The following CIITA variants were observed in gnomAD, a reference collection of about 807,000 sequenced individuals.
The protein encoded by CIITA is MHC class II transactivator.
In CIITA, 72 loss-of-function variants were observed where a neutral mutation model predicts 115.1. The ratio of observed to expected loss-of-function variants is 0.63; its 90% CI spans 0.52 to 0.76. CIITA has a LOEUF of 0.76. Ranked by LOEUF, CIITA falls within the 30% of genes least tolerant of loss-of-function variation. The pLI is 0.00. For synonymous variants in CIITA, 763 were observed against 635.6 expected (o/e 1.20, Z -3.02); for missense variants, 1,617 against 1,463.8 (o/e 1.10, Z -1.71).
At chr16:10,903,530 G>C (rs1487654657) in intron 8 of CIITA, among the ~76,000 whole-genome samples, 1 of 152,184 alleles carries the variant, frequency 6.6e-6, no homozygotes, top group Non-Finnish European at 1.5e-5. Flanking sequence ...TCACAGATTG[G>C]AAAAGCAAGG....
chr16:10,914,789 A>G (rs930948518), intron 13 of CIITA, among the ~76,000 whole-genome samples: 1 of 152,184 alleles, frequency 6.6e-6, no homozygotes, highest in East Asian at 1.9e-4. Context: ...AGGCCGAGGG[A>G]AGGGCCTAGC....
chr16:10,895,764 G>T lies in CIITA; in HGVS notation c.295G>T (p.Ala99Ser). 1.2e-6 allele frequency: 2 copies of T among 1,613,890 alleles called. No individual in the cohort carries two copies. Among genetic ancestry groups the T allele is most frequent in the Non-Finnish European group, 1.7e-6 (2 of 1,179,896 alleles). The part of the protein sequence containing the change: ...EETREAYANI[A>S]ELDQYVFQDS... The stretch of plus-strand genomic sequence containing the variant: ...GACCAGGGAGGCTTATGCCAATATC[G>T]GTGAGGAAGCACCTGAGCCCAGAAA... The change falls in exon 3 of 20, where the codon GCG becomes TCG. Residue 99 changes from alanine to serine, a missense_variant and splice_region_variant. Transcript: ENST00000324288.
At position 10,942,317 on chromosome 16, in the gene CIITA, G is replaced by A. The variant is rs1029845376; in HGVS notation, n.1443G>A. ...CCTGGCGCTCGCAGGGCCTCGCAGA[G>A]CCGGTGGGGATCCCACCGCGGCTCA... On this transcript the variant is annotated non_coding_transcript_exon_variant, in exon 2 of 2. Coordinates refer to the CIITA transcript ENST00000573379. This position sits in a 1 kb window ranked among gnomAD's most constrained non-coding sequence, Gnocchi z 5.0. The A allele has an allele frequency of 5.8e-5, 16 of 275,888 alleles. No individual in the cohort carries two copies. Among genetic ancestry groups the A allele is most frequent in the Non-Finnish European group, 8.9e-5 (13 of 145,254 alleles). The allele number at this position is 275,888 out of a possible 1,614,324, so 17.1% of individuals were successfully genotyped here. A position where few individuals can be genotyped will look rare whatever the true frequency, so the allele number is the denominator to read the frequency against.
At chr16:10,890,653 C>T (rs191191839) in intron 1 of CIITA, among the ~76,000 whole-genome samples, 4 of 152,254 alleles carry the variant, frequency 2.6e-5, no homozygotes, top group African/African-American at 9.6e-5. Flanking sequence ...ACAGAAAGCT[C>T]GGCTTCACAA....
chr16:10,938,731 C>T (rs1321767398), downstream of CIITA: 1 of 152,240 alleles, frequency 6.6e-6, no homozygotes, highest in Admixed American at 6.5e-5. The surrounding 1 kb of genome is among the most constrained non-coding windows in gnomAD (Gnocchi z 4.9). Context: ...CTGTGCATGG[C>T]TTCCACCACT....
At chr16:10,886,266 A>G (rs1214577636) in intron 1 of CIITA, among the ~76,000 whole-genome samples, 1 of 152,050 alleles carries the variant, frequency 6.6e-6, no homozygotes, top group Admixed American at 6.6e-5. Flanking sequence ...ATTCTGTACT[A>G]TGTTTTTAGG....
In CIITA at chr16:10,922,264, T is replaced by G. The variant is rs758631309; in HGVS notation, c.3233+14T>G. 3 of 1,613,336 alleles carry G rather than the reference T, an allele frequency of 1.9e-6. No homozygotes were observed. The South Asian group carries it at 3.3e-5, about 18-fold the overall frequency. ...CCGGGTGATGGAGTGAGTGTGGGAGTCTGGGCGGTGGGTGGCTCAGCCCGG... is the reference window on the plus strand; with the variant it reads ...CCGGGTGATGGAGTGAGTGTGGGAGGCTGGGCGGTGGGTGGCTCAGCCCGG... On this transcript the variant is annotated intron_variant, in intron 17 of 19. Coordinates refer to ENST00000324288, the MANE Select transcript of CIITA (RefSeq NM_000246.4).
At chr16:10,913,898 G>A (rs1047041704) in intron 13 of CIITA, among the ~76,000 whole-genome samples, 30 of 150,850 alleles carry the variant, frequency 2.0e-4, no homozygotes, top group African/African-American at 6.3e-4. Flanking sequence ...CTGAGATCAC[G>A]CCACTGCAGT....
chr16:10,887,841 T>C (rs1262530088), intron 1 of CIITA, among the ~76,000 whole-genome samples: 1 of 152,086 alleles, frequency 6.6e-6, no homozygotes, highest in Non-Finnish European at 1.5e-5. Context: ...GCTGGAGGCT[T>C]TTAGGGGTAG....
intron 1 of CIITA, among the ~76,000 whole-genome samples, chr16:10,893,934 T>C (rs1366574128): frequency 7.0e-6 from 1 of 143,506 alleles, no homozygotes; most frequent in African/African-American, 2.6e-5. Flanking sequence ...CTAAAGAAAC[T>C]CCAGACCCAT....
intron 1 of CIITA, among the ~76,000 whole-genome samples, chr16:10,889,687 T>C (rs1333160048): frequency 1.3e-5 from 2 of 151,984 alleles, no homozygotes; most frequent in African/African-American, 4.8e-5. Flanking sequence ...GCCTGGCTAA[T>C]TTTGTATTTT....
rs550762165 is a variant in CIITA at position 10,901,015 on chromosome 16, G to T, written c.437-499G>T. Among the ~76,000 whole-genome samples the T allele has an allele frequency of 6.6e-6, 1 of 152,064 alleles. No individual in the cohort carries two copies. Among genetic ancestry groups the T allele is most frequent in the East Asian group, 1.9e-4 (1 of 5,196 alleles). On this transcript the variant is annotated intron_variant, in intron 5 of 19. Transcript: ENST00000324288. The surrounding 1 kb of genome is among the most constrained non-coding windows in gnomAD (Gnocchi z 6.8). ...TTCTTTTAAGGCCATGCAGTGTTTC[G>T]TTGGGTAGATGAACCATAATTTGTT...
rs1411807145 is a variant in CIITA, at chr16:10,933,844, G to T, written c.*9989G>T. 6.6e-6 allele frequency: 1 copy of T among 152,174 alleles called. No individual in the cohort carries two copies. The highest frequency in any genetic ancestry group is 2.4e-5 in the African/African-American group (1 of 41,402). 9.4% of individuals were successfully genotyped at this position (152,174 alleles called of 1,614,324 possible). On this transcript the variant is annotated 3_prime_UTR_variant, in exon 20 of 20. Coordinates refer to ENST00000324288, the MANE Select transcript of CIITA (RefSeq NM_000246.4). ...ACAGACGTCACCCTCCCCTACTCAC[G>T]CAGCCATTCTGATCCTCCACGCTGG...
chr16:10,907,581 C>T lies in CIITA; in HGVS notation c.2089C>T (p.His697Tyr), dbSNP rs2039261152. 1.2e-6 allele frequency: 2 copies of T among 1,614,246 alleles called. No homozygotes were observed. Among genetic ancestry groups the T allele is most frequent in the Non-Finnish European group, 1.7e-6 (2 of 1,180,040 alleles). ...TWAMAKGLVQ[H>Y]PPRAAESELA... ...GGCGATGGCCAAAGGCTTAGTCCAA[C>T]ACCCACCGCGGGCCGCAGAGTCCGA... Residue 697 changes from histidine to tyrosine, a missense_variant, in exon 11 of 20, where the codon CAC becomes TAC. Physicochemically the swap from His to Tyr is moderately conservative, Grantham distance 83. Coordinates refer to ENST00000324288, the MANE Select transcript of CIITA (RefSeq NM_000246.4). The surrounding 1 kb of genome is among the most constrained non-coding windows in gnomAD (Gnocchi z 5.0).
chr16:10,878,638 A>G (rs966308308), intron 1 of CIITA, among the ~76,000 whole-genome samples: 35 of 152,328 alleles, frequency 2.3e-4, no homozygotes, highest in African/African-American at 8.4e-4. Context: ...GGAGAGAAAC[A>G]GAGACCCACC....
intron 3 of CIITA, among the ~76,000 whole-genome samples, chr16:10,897,017 G>A (rs774970071): frequency 6.6e-6 from 1 of 152,162 alleles, no homozygotes; most frequent in African/African-American, 2.4e-5. Context: ...AAGGATTTGG[G>A]CATGTCATAG....
chr16:10,877,473 G>T (rs1045393682), intron 1 of CIITA, 91 bp downstream of exon 1: 4 of 1,333,484 alleles, frequency 3.0e-6, no homozygotes, highest in East Asian at 5.0e-5. Flanking sequence ...CTGAATTGGG[G>T]ATGGGGGTGA....
chr16:10,886,016 T>A (rs1353305946), intron 1 of CIITA, among the ~76,000 whole-genome samples: 2 of 151,818 alleles, frequency 1.3e-5, no homozygotes, highest in Admixed American at 1.3e-4. Flanking sequence ...ATTTCAGGTG[T>A]ATCTTTCTGT....
At chr16:10,937,318 G>A (rs993912988), downstream of CIITA, 3 of 152,328 alleles carry the variant, frequency 2.0e-5, no homozygotes, top group African/African-American at 7.2e-5. The surrounding 1 kb of genome is among the most constrained non-coding windows in gnomAD (Gnocchi z 4.2). Context: ...CCCTGGCTGT[G>A]GGATCTCCCA....
Sources: allele counts gnomAD v4.1 joint callset (sites outside exome capture counted in the v4.1 genomes callset), GRCh38; gene constraint gnomAD v4.1.1; non-coding constraint Gnocchi (gnomAD v3.1); transcripts MANE v1.5; gene names NCBI Gene and HGNC (gene_info 2026-07-23, HGNC 2026-07-21).